OR8D1: variants seen among roughly 807,000 people sequenced by gnomAD.
OR8D1 encodes olfactory receptor 8D1.
For synonymous variants in OR8D1, 143 were observed against 147.0 expected (o/e 0.97, Z 0.20); for missense variants, 384 against 366.8 (o/e 1.05, Z -0.38).
At chr11:124,312,705 A>G (rs977982473) in intron 1 of OR8D1, among the ~76,000 whole-genome samples, 1 of 151,480 alleles carries the variant, frequency 6.6e-6, no homozygotes, top group Non-Finnish European at 1.5e-5. Flanking sequence ...TTTAGTAAAG[A>G]CAAGGTTTCA....
chr11:124,313,318 AG>A (rs1174997582), intron 1 of OR8D1, among the ~76,000 whole-genome samples: 2 of 149,120 alleles, frequency 1.3e-5, no homozygotes, highest in East Asian at 3.9e-4. Flanking sequence ...AAGAAAAGAA[AG>A]AGAAAAAGGA....
chr11:124,306,849 CCT>C lies in OR8D1; in HGVS notation c.*2989_*2990del, dbSNP rs1235580571. On this transcript the variant is annotated 3_prime_UTR_variant, in exon 3 of 3. Coordinates refer to ENST00000641015, the MANE Select transcript of OR8D1 (RefSeq NM_001002917.2). The stretch of plus-strand genomic sequence containing the variant: ...AACACCTATTACTCTAATACTCCCG[CCT>C]CTGTTTCACACCTTTACTCACTTTC... The C allele has an allele frequency of 6.6e-6, 1 of 152,030 alleles. No homozygotes were observed. The highest frequency in any genetic ancestry group is 6.6e-5 in the Admixed American group (1 of 15,230). The allele number at this position is 152,030 out of a possible 1,614,324, so 9.4% of individuals were successfully genotyped here. A position where few individuals can be genotyped will look rare whatever the true frequency, so the allele number is the denominator to read the frequency against.
Position 124,309,912 on chromosome 11 carries a change from CA to C in OR8D1, c.854del (p.Leu285ArgfsTer4), listed in dbSNP as rs762470748. Reference sequence around the variant, plus strand: ...TCCTCAGACTGTATATTAAAGGGTTCAGCATGGGGATCACCGTGGTGTAGAA... The same window carrying C: ...TCCTCAGACTGTATATTAAAGGGTTCGCATGGGGATCACCGTGGTGTAGAA... ...SVFYTTVIPMLNPLIYSLRNK... is the reference protein window; with the variant it reads ...SVFYTTVIPMXNPLIYSLRNK... On this transcript the variant is annotated frameshift_variant, in exon 3 of 3. Transcript: ENST00000641015. LOFTEE classifies it low-confidence loss of function (END_TRUNC). The C allele has an allele frequency of 1.3e-6, 2 of 1,522,276 alleles. No individual in the cohort carries two copies. The highest frequency in any genetic ancestry group is 4.5e-5 in the Admixed American group (2 of 44,814). 94.3% of individuals were successfully genotyped at this position (1,522,276 alleles called of 1,614,324 possible). A position where few individuals can be genotyped will look rare whatever the true frequency, so the allele number is the denominator to read the frequency against.
rs1039531238 is a variant in OR8D1, at chr11:124,308,658, A to G, written c.*1182T>C. The G allele has an allele frequency of 6.6e-6, 1 of 152,144 alleles. No homozygotes were observed. Among genetic ancestry groups the G allele is most frequent in the Admixed American group, 6.6e-5 (1 of 15,252 alleles). 9.4% of individuals were successfully genotyped at this position (152,144 alleles called of 1,614,324 possible). Reference sequence around the variant, plus strand: ...GGAATGATTCTTTAAGCTAAAATCTAGAGTATTAGGTTGTAAAAATTATTT... The same window carrying G: ...GGAATGATTCTTTAAGCTAAAATCTGGAGTATTAGGTTGTAAAAATTATTT... On this transcript the variant is annotated 3_prime_UTR_variant, in exon 3 of 3. Coordinates refer to ENST00000641015, the MANE Select transcript of OR8D1 (RefSeq NM_001002917.2).
In OR8D1 at chr11:124,310,788, A is replaced by G; in HGVS notation, c.-16-6T>C. ...TCATTCTTCTTTAGGCATTTCTGTGAAAATAGAAAGTATGAATTACCTTAA... is the reference window on the plus strand; with the variant it reads ...TCATTCTTCTTTAGGCATTTCTGTGGAAATAGAAAGTATGAATTACCTTAA... On this transcript the variant is annotated splice_polypyrimidine_tract_variant and splice_region_variant and intron_variant, in intron 2 of 2. Coordinates refer to ENST00000641015, the MANE Select transcript of OR8D1 (RefSeq NM_001002917.2). 1.9e-6 allele frequency: 3 copies of G among 1,577,200 alleles called. No homozygotes were observed. Among genetic ancestry groups the G allele is most frequent in the Non-Finnish European group, 2.6e-6 (3 of 1,156,192 alleles).
At position 124,304,016 on chromosome 11, in the gene OR8D1, G is replaced by T. The variant is rs539283199; in HGVS notation, c.*5824C>A. 1 of 151,952 alleles carries T rather than the reference G, an allele frequency of 6.6e-6. No individual in the cohort carries two copies. Among genetic ancestry groups the T allele is most frequent in the East Asian group, 1.9e-4 (1 of 5,160 alleles). 9.4% of individuals were successfully genotyped at this position (151,952 alleles called of 1,614,324 possible). A position where few individuals can be genotyped will look rare whatever the true frequency, so the allele number is the denominator to read the frequency against. ...TAGTGTTTATAAATAAAATTGTATT[G>T]TACAAGACCACATTCATTCATTACA... On this transcript the variant is annotated 3_prime_UTR_variant, in exon 3 of 3. Transcript: ENST00000641015.
At chr11:124,313,425 G>T (rs746205176) in intron 1 of OR8D1, among the ~76,000 whole-genome samples, 9 of 152,144 alleles carry the variant, frequency 5.9e-5, no homozygotes, top group Non-Finnish European at 1.2e-4. Context: ...AAATACGTAA[G>T]CCAGAAGAAT....
At chr11:124,311,215 G>A (rs2512296) in intron 2 of OR8D1, among the ~76,000 whole-genome samples, 73,820 of 151,934 alleles carry the variant, frequency 0.49, 18,445 homozygotes, top group East Asian at 0.6. Context: ...CCTCAGCCTC[G>A]GAGAATTGAA....
In OR8D1 at chr11:124,310,169, AAAGTAG is replaced by A. The variant is rs1236051314; in HGVS notation, c.592_597del (p.Leu198_Leu199del). 5 of 1,613,596 alleles carry A rather than the reference AAAGTAG, an allele frequency of 3.1e-6. No homozygotes were observed. The African/African-American group carries it at 6.7e-5, about 22-fold the overall frequency. ...AAGGTGTTAAACCCCGCAATGATAAAAAGTAGAAGCTCATTGAGGTGTGTGTTGGAG... is the reference window on the plus strand; with the variant it reads ...AAGGTGTTAAACCCCGCAATGATAAAAAGCTCATTGAGGTGTGTGTTGGAG... On this transcript the variant is annotated inframe_deletion, in exon 3 of 3. Transcript: ENST00000641015.
rs2137790736 is a variant in OR8D1 at position 124,309,202 on chromosome 11, A to G, written c.*638T>C. 6.8e-6 allele frequency: 1 copy of G among 147,930 alleles called. No homozygotes were observed. Among genetic ancestry groups the G allele is most frequent in the East Asian group, 2.0e-4 (1 of 4,920 alleles). 9.2% of individuals were successfully genotyped at this position (147,930 alleles called of 1,614,324 possible). A position where few individuals can be genotyped will look rare whatever the true frequency, so the allele number is the denominator to read the frequency against. On this transcript the variant is annotated 3_prime_UTR_variant, in exon 3 of 3. Transcript: ENST00000641015. ...GGTGTTAAAGTAGATATACAAATACAAAAAAAACAAAACCAGATCCATGAA... is the reference window on the plus strand; with the variant it reads ...GGTGTTAAAGTAGATATACAAATACGAAAAAAACAAAACCAGATCCATGAA...
rs1236283110 is a variant in OR8D1, at chr11:124,309,798, A to G, written c.*42T>C. The G allele has an allele frequency of 4.5e-6, 5 of 1,113,436 alleles. No homozygotes were observed. Among genetic ancestry groups the G allele is most frequent in the Non-Finnish European group, 6.2e-6 (5 of 807,962 alleles). The allele number at this position is 1,113,436 out of a possible 1,614,324, so 69.0% of individuals were successfully genotyped here. ...GAAAAAAGGAATATATGTTCATTGG[A>G]ACTATTCATTTTTCCCATCTATAAA... On this transcript the variant is annotated 3_prime_UTR_variant, in exon 3 of 3. Coordinates refer to ENST00000641015, the MANE Select transcript of OR8D1 (RefSeq NM_001002917.2).
intron 1 of OR8D1, among the ~76,000 whole-genome samples, chr11:124,312,368 T>C (rs1862429190): frequency 6.6e-6 from 1 of 152,110 alleles, no homozygotes; most frequent in Non-Finnish European, 1.5e-5. Context: ...GTGTTTGGCC[T>C]TTTTTGAAGG....
Position 124,309,859 on chromosome 11 carries a change from T to G in OR8D1, c.908A>C (p.Lys303Thr). The change falls in exon 3 of 3, where the codon AAG (lysine) becomes ACG (threonine). Residue 303 changes from lysine (K) to threonine (T), a missense_variant. Lys to Thr is a moderately conservative substitution (Grantham distance 78, BLOSUM62 -1). Transcript: ENST00000641015. ...RNKDVKKALR[K>T]VLVGK The stretch of plus-strand genomic sequence containing the variant: ...CAGGACTCATTTTCCTACTAAGACC[T>G]TCCTTAATGCTTTCTTCACATCCTT... The G allele has an allele frequency of 6.9e-7, 1 of 1,455,684 alleles. No homozygotes were observed. Among genetic ancestry groups the G allele is most frequent in the East Asian group, 2.3e-5 (1 of 43,434 alleles). The allele number at this position is 1,455,684 out of a possible 1,614,324, so 90.2% of individuals were successfully genotyped here. A position where few individuals can be genotyped will look rare whatever the true frequency, so the allele number is the denominator to read the frequency against.
chr11:124,309,340 C>CTT lies in OR8D1; in HGVS notation c.*498_*499dup, dbSNP rs1482588917. ...CTAGAATTGCCATTCTTGTTCTTAACTTTTTCTTTTCTTTTCTATTCTTTC... is the reference window on the plus strand; with the variant it reads ...CTAGAATTGCCATTCTTGTTCTTAACTTTTTTTCTTTTCTTTTCTATTCTTTC... On this transcript the variant is annotated 3_prime_UTR_variant, in exon 3 of 3. Transcript: ENST00000641015. 7 of 151,956 alleles carry CTT rather than the reference C, an allele frequency of 4.6e-5. No homozygotes were observed. The highest frequency in any genetic ancestry group is 1.7e-4 in the African/African-American group (7 of 41,382). The allele number at this position is 151,956 out of a possible 1,614,324, so 9.4% of individuals were successfully genotyped here.
chr11:124,313,315 GAA>G (rs1302245671), intron 1 of OR8D1, among the ~76,000 whole-genome samples: 1 of 131,168 alleles, frequency 7.6e-6, no homozygotes, highest in Non-Finnish European at 1.5e-5. Flanking sequence ...AGAAAGAAAA[GAA>G]AGAGAAAAAG....
At position 124,308,737 on chromosome 11, in the gene OR8D1, C is replaced by T. The variant is rs901291636; in HGVS notation, c.*1103G>A. On this transcript the variant is annotated 3_prime_UTR_variant, in exon 3 of 3. Transcript: ENST00000641015. ...GAAAGGCAACTAATTTCAGCAAACA[C>T]TAATGGTTTAATATGTGATATAGAG... 3 of 151,930 alleles carry T rather than the reference C, an allele frequency of 2.0e-5. No individual in the cohort carries two copies. Among genetic ancestry groups the T allele is most frequent in the Non-Finnish European group, 2.9e-5 (2 of 67,984 alleles). The allele number at this position is 151,930 out of a possible 1,614,324, so 9.4% of individuals were successfully genotyped here.
Position 124,304,514 on chromosome 11 carries a change from C to T in OR8D1, c.*5326G>A, listed in dbSNP as rs1053946897. ...TAGACATTCTAGTATATTTTTATTT[C>T]TGCACTGTTTAACATTTTACACTAC... On this transcript the variant is annotated 3_prime_UTR_variant, in exon 3 of 3. Coordinates refer to ENST00000641015, the MANE Select transcript of OR8D1 (RefSeq NM_001002917.2). 10 of 151,644 alleles carry T rather than the reference C, an allele frequency of 6.6e-5. No individual in the cohort carries two copies. Among genetic ancestry groups the T allele is most frequent in the Admixed American group, 5.9e-4 (9 of 15,178 alleles). The allele number at this position is 151,644 out of a possible 1,614,324, so 9.4% of individuals were successfully genotyped here.
chr11:124,309,605 AG>A lies in OR8D1; in HGVS notation c.*234del, dbSNP rs1565330876. The A allele has an allele frequency of 1.2e-5, 3 of 258,788 alleles. No individual in the cohort carries two copies. The highest frequency in any genetic ancestry group is 2.2e-5 in the Non-Finnish European group (3 of 137,816). The allele number at this position is 258,788 out of a possible 1,614,324, so 16.0% of individuals were successfully genotyped here. ...TGTCTTTTCTATCACAATTGGTAAA[AG>A]AAATTAAAACTACCTAGACCTTAGT... On this transcript the variant is annotated 3_prime_UTR_variant, in exon 3 of 3. Coordinates refer to ENST00000641015, the MANE Select transcript of OR8D1 (RefSeq NM_001002917.2).
At position 124,303,976 on chromosome 11, in the gene OR8D1, A is replaced by G. The variant is rs1862345854; in HGVS notation, c.*5864T>C. 1 of 152,050 alleles carries G rather than the reference A, an allele frequency of 6.6e-6. No individual in the cohort carries two copies. Among genetic ancestry groups the G allele is most frequent in the Admixed American group, 6.6e-5 (1 of 15,228 alleles). The allele number at this position is 152,050 out of a possible 1,614,324, so 9.4% of individuals were successfully genotyped here. ...TTGAAAAAAATCAAAATAAAATTACATAAAATTTAAATTTTAGTGTTTATA... is the reference window on the plus strand; with the variant it reads ...TTGAAAAAAATCAAAATAAAATTACGTAAAATTTAAATTTTAGTGTTTATA... On this transcript the variant is annotated 3_prime_UTR_variant, in exon 3 of 3. Transcript: ENST00000641015.
Sources: gnomAD v4.1 joint callset for allele counts (sites outside exome capture counted in the v4.1 genomes callset) on GRCh38, gnomAD v4.1.1 for gene constraint, MANE v1.5 for transcripts, NCBI Gene and HGNC (gene_info 2026-07-23, HGNC 2026-07-21) for gene names.